Variants in WASHC5 observed in about 807,000 individuals in gnomAD.
WASHC5 encodes WASH complex subunit 5.
Under a neutral mutation model 150.4 loss-of-function variants are expected in WASHC5, and 101 were observed. The ratio of observed to expected loss-of-function variants is 0.67; its 90% CI spans 0.57 to 0.79. The LOEUF is 0.79. WASHC5 is among the 30% of genes least tolerant of loss of function. The pLI is 0.00. For missense variants in WASHC5, 1,195 were observed against 1,396.3 expected, an observed-to-expected ratio of 0.86 and a Z score of 2.30; for synonymous variants, 467 against 491.2, an observed-to-expected ratio of 0.95 and a Z score of 0.65.
intron 16 of WASHC5, among the ~76,000 whole-genome samples, chr8:125,056,404 T>C (rs1483427933): frequency 3.3e-5 from 5 of 152,250 alleles, no homozygotes; most frequent in Non-Finnish European, 7.3e-5. Context: ...AGGGCTGCTT[T>C]AGCAAGACTG....
intron 10 of WASHC5, among the ~76,000 whole-genome samples, chr8:125,064,352 G>A (rs926061098): frequency 6.6e-5 from 10 of 150,942 alleles, no homozygotes; most frequent in Admixed American, 2.0e-4. Flanking sequence ...ATGGGCATGC[G>A]CCACTACACC....
Position 125,044,086 on chromosome 8 carries a change from G to A in WASHC5, c.2676C>T (p.Leu892=), listed in dbSNP as rs1815979433. The A allele has an allele frequency of 1.2e-6, 2 of 1,606,978 alleles. No homozygotes were observed. Among genetic ancestry groups the A allele is most frequent in the Admixed American group, 3.3e-5 (2 of 59,982 alleles). ...TCAGGATAATTTTCTGAAACATACT[G>A]AGGAAATTCTAAAAACAAGAAGGCA... ...FMIVKELQNF[L]SMFQKIILRD... Residue 892 remains leucine (L), a synonymous_variant, in exon 22 of 29, where the codon CTC becomes CTT. Coordinates refer to ENST00000318410, the MANE Select transcript of WASHC5 (RefSeq NM_014846.4).
rs200733182 is a variant in WASHC5, at chr8:125,032,366, C to T, written c.3210G>A (p.Pro1070=). 67 of 1,613,934 alleles carry T rather than the reference C, an allele frequency of 4.2e-5. No homozygotes were observed. The highest frequency in any genetic ancestry group is 4.7e-5 in the Non-Finnish European group (56 of 1,180,022). The change falls in exon 27 of 29, where the codon CCG becomes CCA. Residue 1070 remains proline, a synonymous_variant. Transcript: ENST00000318410. ...LGMVCRKPTD[P]VDWPPLVLGL... ...CCAGGACAAGTGGTGGCCAATCAAC[C>T]GGGTCGGTCGGTTTTCGGCAGACCA... is the stretch of plus-strand genomic sequence containing the variant.
chr8:125,056,899 G>T (rs1043807320), intron 15 of WASHC5, 82 bp from the exon 16 acceptor site: 1 of 1,521,868 alleles, frequency 6.6e-7, no homozygotes. Context: ...TGCCTAATTT[G>T]TCTATATAGG....
At position 125,086,647 on chromosome 8, in the gene WASHC5, G is replaced by A. The variant is rs114615514; in HGVS notation, c.-124-2625C>T. ...CCCAACTCAGCTCATAACAGCTTGT[G>A]CCTTCCTTCCTTCAACCCAAAGAAT... On this transcript the variant is annotated intron_variant, in intron 1 of 28. Transcript: ENST00000318410. Among the ~76,000 whole-genome samples, 739 of 152,298 alleles carry A rather than the reference G, an allele frequency of 4.9e-3. 8 individuals are homozygous for A. The highest frequency in any genetic ancestry group is 0.017 in the African/African-American group (695 of 41,550).
At position 125,057,555 on chromosome 8, in the gene WASHC5, C is replaced by T; in HGVS notation, c.1875+1G>A. 1 of 1,589,592 alleles carries T rather than the reference C, an allele frequency of 6.3e-7. No individual in the cohort carries two copies. Among genetic ancestry groups the T allele is most frequent in the Non-Finnish European group, 8.6e-7 (1 of 1,158,520 alleles). On this transcript the variant is annotated splice_donor_variant, in intron 15 of 28. Transcript: ENST00000318410. LOFTEE classifies it high-confidence loss of function. ...AAATATCACCCTGATGCATTTCTTA[C>T]TTTTCTCACATAGGATACCAACTCT...
chr8:125,068,387 A>G (rs750037993), intron 9 of WASHC5, among the ~76,000 whole-genome samples: 1 of 152,160 alleles, frequency 6.6e-6, no homozygotes, highest in Non-Finnish European at 1.5e-5. Flanking sequence ...CCTGGTTGAC[A>G]ACACTTCATA....
chr8:125,081,118 A>G (rs1482924585), intron 5 of WASHC5, among the ~76,000 whole-genome samples: 2 of 152,094 alleles, frequency 1.3e-5, no homozygotes, highest in African/African-American at 2.4e-5. Flanking sequence ...CATACTTCTA[A>G]TAATCTATAA....
chr8:125,055,720 G>T, intron 16 of WASHC5, 49 bp from the exon 17 acceptor site: 3 of 1,099,542 alleles, frequency 2.7e-6, no homozygotes, highest in South Asian at 1.2e-5. Flanking sequence ...AATAGTCCTG[G>T]AATGAACAAA....
chr8:125,075,250 T>C, intron 7 of WASHC5, 139 bp from the exon 8 acceptor site: 3 of 680,648 alleles, frequency 4.4e-6, no homozygotes, highest in Admixed American at 4.3e-5. Flanking sequence ...TCCAAATATA[T>C]AGGTAAGTGT....
Position 125,024,616 on chromosome 8 carries a change from G to T in WASHC5, c.*1C>A. 6.2e-7 allele frequency: 1 copy of T among 1,603,920 alleles called. No individual in the cohort carries two copies. The highest frequency in any genetic ancestry group is 8.5e-7 in the Non-Finnish European group (1 of 1,170,772). On this transcript the variant is annotated 3_prime_UTR_variant, in exon 29 of 29. Transcript: ENST00000318410. ...TTCCATTGAAGAAGTAGGAAAAACA[G>T]TTACAGCACTGTTCTGAACTCATCA...
At chr8:125,084,262 T>C (rs1586391302) in intron 1 of WASHC5, among the ~76,000 whole-genome samples, 1 of 152,220 alleles carries the variant, frequency 6.6e-6, no homozygotes, top group Non-Finnish European at 1.5e-5. Context: ...GAAAAAGATA[T>C]GATACAGCTC....
intron 17 of WASHC5, among the ~76,000 whole-genome samples, chr8:125,053,300 T>G (rs16900264): frequency 0.028 from 4,257 of 152,240 alleles, 204 homozygotes; most frequent in African/African-American, 0.098. Context: ...ATTGGTAGAC[T>G]AGCAGAGAGA....
intron 17 of WASHC5, among the ~76,000 whole-genome samples, chr8:125,053,064 T>C (rs1360804628): frequency 1.3e-5 from 2 of 152,096 alleles, no homozygotes; most frequent in Admixed American, 6.5e-5. Flanking sequence ...GGGTATCATA[T>C]GAAGTTGAAT....
intron 17 of WASHC5, among the ~76,000 whole-genome samples, chr8:125,053,154 A>G (rs376727577): frequency 6.9e-5 from 10 of 144,950 alleles, no homozygotes; most frequent in African/African-American, 1.8e-4. Flanking sequence ...ATCTCTGTGT[A>G]TATCTCACTT....
intron 18 of WASHC5, among the ~76,000 whole-genome samples, chr8:125,050,018 A>T (rs117188717): frequency 0.036 from 5,133 of 144,116 alleles, 205 homozygotes; most frequent in Non-Finnish European, 0.041. Flanking sequence ...ATAAAGAAAT[A>T]AAAAAAAAGA....
intron 7 of WASHC5, 30 bp from the exon 8 acceptor site, chr8:125,075,141 A>C: frequency 7.5e-7 from 1 of 1,338,866 alleles, no homozygotes; most frequent in Non-Finnish European, 1.1e-6. Flanking sequence ...GAATTTGTTA[A>C]ATTCCTACTC....
intron 11 of WASHC5, among the ~76,000 whole-genome samples, chr8:125,062,575 A>C (rs1005496291): frequency 1.3e-5 from 2 of 152,212 alleles, no homozygotes; most frequent in Non-Finnish European, 2.9e-5. Flanking sequence ...ACATGTTTCT[A>C]GTTTATATCA....
chr8:125,074,506 C>T (rs1816993339), intron 8 of WASHC5, among the ~76,000 whole-genome samples: 1 of 152,076 alleles, frequency 6.6e-6, no homozygotes, highest in Non-Finnish European at 1.5e-5. Context: ...TGTGTAAGAA[C>T]AAAAGAGATA....
Sources: gnomAD v4.1 joint callset for allele counts (sites outside exome capture counted in the v4.1 genomes callset) on GRCh38, gnomAD v4.1.1 for gene constraint, MANE v1.5 for transcripts, NCBI Gene and HGNC (gene_info 2026-07-23, HGNC 2026-07-21) for gene names.